ALK: variants seen among roughly 807,000 people sequenced by gnomAD.
ALK encodes ALK receptor tyrosine kinase, also known as ALK tyrosine kinase receptor.
In ALK, 74 loss-of-function variants were observed where a neutral mutation model predicts 163.1. The ratio of observed to expected loss-of-function variants is 0.45; its 90% CI spans 0.38 to 0.55. The LOEUF (loss-of-function observed/expected upper bound fraction) is 0.55. ALK is among the 20% of genes least tolerant of loss of function. The probability of loss-of-function intolerance (pLI) is 0.00; values close to 1 mark genes in which losing one functional copy is unlikely to be tolerated. For missense variants in ALK, 2,063 were observed against 2,105.3 expected (o/e 0.98, Z 0.39); for synonymous variants, 960 against 843.2 (o/e 1.14, Z -2.40).
chr2:29,816,399 T>C (rs1490595390), intron 1 of ALK, among the ~76,000 whole-genome samples: 3 of 152,208 alleles, frequency 2.0e-5, no homozygotes, highest in African/African-American at 7.2e-5. Context: ...ATGAAAGTGC[T>C]TTGTAAACAG....
chr2:29,487,077 GA>G (rs1413708747), intron 4 of ALK, among the ~76,000 whole-genome samples: 2 of 152,262 alleles, frequency 1.3e-5, no homozygotes, highest in African/African-American at 4.8e-5. Flanking sequence ...TTTTCTTCAG[GA>G]AGCAGGACTA....
rs769660063 is a variant in ALK, at chr2:29,222,625, C to T, written c.3360-18G>A. The T allele has an allele frequency of 2.0e-5, 32 of 1,609,844 alleles. No individual in the cohort carries two copies. The highest frequency in any genetic ancestry group is 1.7e-4 in the Middle Eastern group (1 of 5,774). ...CCAGACCCCTGTGCAAAGGAGAAGA[C>T]AAGAGGAGACAGAGTCAAACAGGCC... On this transcript the variant is annotated intron_variant, in intron 20 of 28. Transcript: ENST00000389048.
intron 5 of ALK, among the ~76,000 whole-genome samples, chr2:29,382,205 A>G (rs1668916331): frequency 6.6e-6 from 1 of 152,192 alleles, no homozygotes; most frequent in Non-Finnish European, 1.5e-5. Flanking sequence ...CTGCCAGCGG[A>G]GACTTTCTGA....
In ALK at chr2:29,223,487, C is replaced by G; in HGVS notation, c.3214G>C (p.Glu1072Gln). 6.2e-7 allele frequency: 1 copy of G among 1,614,116 alleles called. No homozygotes were observed. Among genetic ancestry groups the G allele is most frequent in the East Asian group, 2.2e-5 (1 of 44,874 alleles). The change falls in exon 20 of 29, where the codon GAG becomes CAG. Residue 1072 changes from glutamate to glutamine, a missense_variant. This residue lies in a region of ALK where 575 missense variants were observed against 626.6 expected (regional missense o/e 0.92). Transcript: ENST00000389048. Reference sequence around the variant, plus strand: ...AGCTTGTACTCAGGGCTCTGCAGCTCCATCTGCATGGCTTGCAGCTCCTGG... The same window carrying G: ...AGCTTGTACTCAGGGCTCTGCAGCTGCATCTGCATGGCTTGCAGCTCCTGG... The part of the protein sequence containing the change: ...KHQELQAMQM[E>Q]LQSPEYKLSK...
rs760027378 is a variant in ALK at position 29,320,606 on chromosome 2, G to T, written c.1546+145C>A. 386 of 1,120,708 alleles carry T rather than the reference G, an allele frequency of 3.4e-4. 1 individual carries two copies. The highest frequency in any genetic ancestry group is 3.5e-4 in the Admixed American group (21 of 59,212). The allele number at this position is 1,120,708 out of a possible 1,614,324, so 69.4% of individuals were successfully genotyped here. On this transcript the variant is annotated intron_variant, in intron 7 of 28. Transcript: ENST00000389048. ...CTCGAAAGCCCAAGGTGTGAAGAGGGAATTGTGTGTGAACGCTCTAGGCAA... is the reference window on the plus strand; with the variant it reads ...CTCGAAAGCCCAAGGTGTGAAGAGGTAATTGTGTGTGAACGCTCTAGGCAA...
chr2:29,506,162 G>T (rs1672314618), intron 4 of ALK, among the ~76,000 whole-genome samples: 1 of 152,184 alleles, frequency 6.6e-6, no homozygotes, highest in Non-Finnish European at 1.5e-5. Context: ...GTGGCAAGAG[G>T]ACTTGATTTC....
chr2:29,861,093 G>A (rs903623853), intron 1 of ALK, among the ~76,000 whole-genome samples: 2 of 152,088 alleles, frequency 1.3e-5, no homozygotes, highest in Non-Finnish European at 2.9e-5. Flanking sequence ...GATCACTCGA[G>A]CCCACGAGGT....
At chr2:29,671,233 TAATA>T (rs944556585) in intron 3 of ALK, among the ~76,000 whole-genome samples, 9 of 152,072 alleles carry the variant, frequency 5.9e-5, no homozygotes, top group African/African-American at 2.2e-4. Flanking sequence ...ACCTCTGCGC[TAATA>T]AATAGTCAAA....
intron 1 of ALK, among the ~76,000 whole-genome samples, chr2:29,834,311 A>C (rs1665500824): frequency 6.6e-6 from 1 of 152,216 alleles, no homozygotes; most frequent in Non-Finnish European, 1.5e-5. Flanking sequence ...TGAAAAATTC[A>C]GCTGATTTTG....
rs1006051151 is a variant in ALK, at chr2:29,763,939, A to C, written c.668-46242T>G. On this transcript the variant is annotated intron_variant, in intron 1 of 28. Coordinates refer to ENST00000389048, the MANE Select transcript of ALK (RefSeq NM_004304.5). ...CACACCAACTTTCAGGGATCTTTGA[A>C]ACTCCCTCTCGTAACACCCTGTTTA... Among the ~76,000 whole-genome samples the C allele has an allele frequency of 6.6e-5, 10 of 152,014 alleles. No individual in the cohort carries two copies. The East Asian group carries it at 1.7e-3, about 27-fold the overall frequency.
intron 1 of ALK, among the ~76,000 whole-genome samples, chr2:29,827,510 A>T (rs1304974879): frequency 6.6e-6 from 1 of 152,160 alleles, no homozygotes; most frequent in Non-Finnish European, 1.5e-5. Flanking sequence ...ATTAGTATTT[A>T]TCCTACTTAG....
intron 4 of ALK, among the ~76,000 whole-genome samples, chr2:29,421,629 A>G (rs976143727): frequency 6.6e-6 from 1 of 150,938 alleles, no homozygotes; most frequent in Non-Finnish European, 1.5e-5. Context: ...CTGACTCCCT[A>G]CTCCCACCAG....
At chr2:29,755,512 C>A (rs1680494452) in intron 1 of ALK, among the ~76,000 whole-genome samples, 1 of 152,184 alleles carries the variant, frequency 6.6e-6, no homozygotes, top group Admixed American at 6.5e-5. Flanking sequence ...GGATGGAAAA[C>A]GTTAGCTTCA....
intron 3 of ALK, among the ~76,000 whole-genome samples, chr2:29,631,393 G>A (rs756713608): frequency 1.1e-4 from 17 of 152,200 alleles, no homozygotes; most frequent in Non-Finnish European, 2.2e-4. Context: ...TGACATGGAG[G>A]AGCCTCTGCT....
At chr2:29,251,306 G>C (rs773807494) in intron 11 of ALK, 39 bp from the exon 12 acceptor site, 30 of 1,599,468 alleles carry the variant, frequency 1.9e-5, no homozygotes, top group Non-Finnish European at 2.5e-5. Flanking sequence ...CATGTGGCCA[G>C]GCCCTCCCTC....
chr2:29,422,027 A>G (rs546243701), intron 4 of ALK, among the ~76,000 whole-genome samples: 1 of 151,628 alleles, frequency 6.6e-6, no homozygotes, highest in East Asian at 1.9e-4. Flanking sequence ...ATTCACCCAG[A>G]CAACTCCATT....
intron 5 of ALK, among the ~76,000 whole-genome samples, chr2:29,334,811 G>A (rs148738624): frequency 6.6e-6 from 1 of 152,304 alleles, no homozygotes; most frequent in African/African-American, 2.4e-5. Context: ...TTAGATGGAC[G>A]CCTGGTACTG....
chr2:29,598,263 T>C (rs1675271211), intron 3 of ALK, among the ~76,000 whole-genome samples: 2 of 152,184 alleles, frequency 1.3e-5, no homozygotes, highest in South Asian at 4.1e-4. Context: ...TGACCTCAGG[T>C]GATCCACCCA....
At chr2:29,595,724 G>A (rs1199964725) in intron 3 of ALK, among the ~76,000 whole-genome samples, 2 of 152,130 alleles carry the variant, frequency 1.3e-5, no homozygotes, top group African/African-American at 2.4e-5. Context: ...AAGACGGAGA[G>A]AGAAAACAAA....
Sources: gnomAD v4.1 joint callset for allele counts (sites outside exome capture counted in the v4.1 genomes callset) on GRCh38, gnomAD v4.1.1 for gene constraint, gnomAD v4.1.1 regional missense constraint, MANE v1.5 for transcripts, NCBI Gene and HGNC (gene_info 2026-07-23, HGNC 2026-07-21) for gene names.